GNA12: variants seen among roughly 807,000 people sequenced by gnomAD.
GNA12 encodes guanine nucleotide-binding protein subunit alpha-12.
In GNA12, 9 loss-of-function variants were observed where a neutral mutation model predicts 26.0. The observed-to-expected ratio is 0.35, with a 90% CI of 0.21 to 0.60. GNA12 has a LOEUF of 0.60. Ranked by LOEUF, GNA12 falls within the 20% of genes least tolerant of loss-of-function variation. GNA12 has a pLI of 0.78. For synonymous variants in GNA12, 264 were observed against 219.6 expected (o/e 1.20, Z -1.79); for missense variants, 405 against 525.8 (o/e 0.77, Z 2.25).
intron 1 of GNA12, among the ~76,000 whole-genome samples, chr7:2,807,204 A>C (rs1792970562): frequency 6.6e-6 from 1 of 152,214 alleles, no homozygotes; most frequent in Non-Finnish European, 1.5e-5. Context: ...ACAACTGAAA[A>C]TTAGAAAAAA....
chr7:2,758,992 T>G (rs2115389107), intron 2 of GNA12, among the ~76,000 whole-genome samples: 1 of 151,698 alleles, frequency 6.6e-6, no homozygotes, highest in East Asian at 1.9e-4. Flanking sequence ...ATACAAAAAC[T>G]AGCGGGGCGT....
intron 1 of GNA12, among the ~76,000 whole-genome samples, chr7:2,798,028 G>A (rs985950875): frequency 3.3e-5 from 5 of 152,122 alleles, no homozygotes; most frequent in African/African-American, 1.2e-4. Flanking sequence ...AAAACATACA[G>A]CTAACCTCAT....
intron 1 of GNA12, among the ~76,000 whole-genome samples, chr7:2,809,324 C>G (rs959161398): frequency 1.3e-5 from 2 of 152,178 alleles, no homozygotes; most frequent in African/African-American, 4.8e-5. Flanking sequence ...CTACCTCATA[C>G]CTGCAGTGAG....
chr7:2,786,247 G>T (rs537300315), intron 2 of GNA12, among the ~76,000 whole-genome samples: 81 of 152,276 alleles, frequency 5.3e-4, no homozygotes, highest in Non-Finnish European at 8.8e-4. Flanking sequence ...ATCATTGGGG[G>T]GAGACCAGGT....
At chr7:2,733,028 G>T (rs1333360548) in intron 3 of GNA12, among the ~76,000 whole-genome samples, 1 of 152,154 alleles carries the variant, frequency 6.6e-6, no homozygotes, top group Non-Finnish European at 1.5e-5. Context: ...GTCATTTTTC[G>T]TCTTGTCTTT....
At chr7:2,839,222 A>C (rs1334050494) in intron 1 of GNA12, among the ~76,000 whole-genome samples, 1 of 150,524 alleles carries the variant, frequency 6.6e-6, no homozygotes, top group Non-Finnish European at 1.5e-5. Context: ...AACAAAAGAG[A>C]GACAACAGGA....
chr7:2,743,855 A>C lies in GNA12; in HGVS notation c.526-10354T>G, dbSNP rs560534529. 1.0e-3 allele frequency among the ~76,000 whole-genome samples: 153 copies of C among 152,084 alleles called. 2 individuals are homozygous for C. Among genetic ancestry groups the C allele is most frequent in the Admixed American group, 3.4e-3 (52 of 15,256 alleles). On this transcript the variant is annotated intron_variant, in intron 2 of 3. Transcript: ENST00000275364. ...TGCACTTTCCCAACAGGCTTAAAAA[A>C]CGGCACACCAGATTACATCCCGCAC...
chr7:2,784,144 G>C (rs1479865894), intron 2 of GNA12, among the ~76,000 whole-genome samples: 1 of 151,872 alleles, frequency 6.6e-6, no homozygotes, highest in Non-Finnish European at 1.5e-5. Flanking sequence ...TTGACACAGG[G>C]TCTTGCTTTG....
At chr7:2,834,382 T>C (rs907800085) in intron 1 of GNA12, among the ~76,000 whole-genome samples, 4 of 152,142 alleles carry the variant, frequency 2.6e-5, no homozygotes, top group African/African-American at 9.7e-5. Context: ...CTGCAACACC[T>C]CTCCAGTGGC....
chr7:2,751,756 T>C lies in GNA12; in HGVS notation c.526-18255A>G, dbSNP rs562179375. On this transcript the variant is annotated intron_variant, in intron 2 of 3. Transcript: ENST00000275364. Reference sequence around the variant, plus strand: ...CAACTTTATGCTAACAGATTGGACATCTTATACGAAATGGACAAATTGCTT... The same window carrying C: ...CAACTTTATGCTAACAGATTGGACACCTTATACGAAATGGACAAATTGCTT... Among the ~76,000 whole-genome samples the C allele has an allele frequency of 2.0e-5, 3 of 152,352 alleles. No individual in the cohort carries two copies. The South Asian group carries it at 6.2e-4, about 32-fold the overall frequency.
intron 2 of GNA12, among the ~76,000 whole-genome samples, chr7:2,740,489 G>C (rs190340808): frequency 1.3e-5 from 2 of 152,294 alleles, no homozygotes; most frequent in Admixed American, 1.3e-4. Flanking sequence ...CTGCCACCCA[G>C]ATCCTCAATT....
At chr7:2,811,137 C>G (rs918671272) in intron 1 of GNA12, among the ~76,000 whole-genome samples, 1 of 152,190 alleles carries the variant, frequency 6.6e-6, no homozygotes, top group Non-Finnish European at 1.5e-5. Flanking sequence ...CTACAAGGAA[C>G]CCTGGCCCAG....
chr7:2,832,844 G>C (rs1422472271), intron 1 of GNA12, among the ~76,000 whole-genome samples: 1 of 152,190 alleles, frequency 6.6e-6, no homozygotes, highest in Non-Finnish European at 1.5e-5. Flanking sequence ...CACCTTTCTA[G>C]CTGCTTGCAA....
In GNA12 at chr7:2,731,896, T is replaced by G. The variant is rs992363540; in HGVS notation, c.577-146A>C. Reference sequence around the variant, plus strand: ...AGAAACCAAAAGCAAATTTCATTTATAACATTATCAACTGGCCGTGAAACA... The same window carrying G: ...AGAAACCAAAAGCAAATTTCATTTAGAACATTATCAACTGGCCGTGAAACA... On this transcript the variant is annotated intron_variant, in intron 3 of 3. Coordinates refer to ENST00000275364, the MANE Select transcript of GNA12 (RefSeq NM_007353.3). The surrounding 1 kb of genome is among the most constrained non-coding windows in gnomAD (Gnocchi z 6.0). 7.6e-6 allele frequency: 4 copies of G among 523,786 alleles called. No homozygotes were observed. Among genetic ancestry groups the G allele is most frequent in the Non-Finnish European group, 1.3e-5 (4 of 298,116 alleles). 32.4% of individuals were successfully genotyped at this position (523,786 alleles called of 1,614,324 possible).
At chr7:2,826,243 T>A (rs1793481842) in intron 1 of GNA12, among the ~76,000 whole-genome samples, 2 of 151,830 alleles carry the variant, frequency 1.3e-5, no homozygotes, top group Admixed American at 6.6e-5. Flanking sequence ...CCAGGCTTGG[T>A]GGTGGATGCC....
At chr7:2,769,379 G>T (rs1314609842) in intron 2 of GNA12, among the ~76,000 whole-genome samples, 1 of 152,166 alleles carries the variant, frequency 6.6e-6, no homozygotes, top group African/African-American at 2.4e-5. Flanking sequence ...ATGTCTGTAA[G>T]CTAGGTATCT....
At chr7:2,794,484 G>A (rs926064295) in intron 2 of GNA12, among the ~76,000 whole-genome samples, 2 of 152,098 alleles carry the variant, frequency 1.3e-5, no homozygotes, top group Admixed American at 6.6e-5. Flanking sequence ...ACCTTAAAAC[G>A]AAAGGAACAA....
chr7:2,740,312 T>C (rs966930709), intron 2 of GNA12, among the ~76,000 whole-genome samples: 13 of 152,162 alleles, frequency 8.5e-5, no homozygotes, highest in African/African-American at 1.7e-4. Flanking sequence ...ATGGGGACTT[T>C]GGGAGGTGAC....
chr7:2,795,081 A>G lies in GNA12; in HGVS notation c.372T>C (p.Asn124=), dbSNP rs767520343. 3 of 1,613,648 alleles carry G rather than the reference A, an allele frequency of 1.9e-6. No individual in the cohort carries two copies. Among genetic ancestry groups the G allele is most frequent in the African/African-American group, 1.3e-5 (1 of 75,024 alleles). ...KLGIPWQYSE[N]EKHGMFLMAF... ...CCATCAGGAACATCCCATGCTTCTC[A>G]TTTTCAGAATACTGCCAAGGAATGC... Residue 124 remains asparagine, a synonymous_variant, in exon 2 of 4, where the codon AAT becomes AAC. Transcript: ENST00000275364.
Sources: allele counts gnomAD v4.1 joint callset (sites outside exome capture counted in the v4.1 genomes callset), GRCh38; gene constraint gnomAD v4.1.1; non-coding constraint Gnocchi (gnomAD v3.1); transcripts MANE v1.5; gene names NCBI Gene and HGNC (gene_info 2026-07-23, HGNC 2026-07-21).